MYO3B: variants seen among roughly 807,000 people sequenced by gnomAD.
The protein encoded by MYO3B is myosin IIIB.
Under a neutral mutation model 174.6 loss-of-function variants are expected in MYO3B, and 156 were observed. The ratio of observed to expected loss-of-function variants is 0.89; its 90% CI spans 0.78 to 1.02. The LOEUF (loss-of-function observed/expected upper bound fraction) is 1.02. Ranked by LOEUF, MYO3B falls within the 50% of genes least tolerant of loss-of-function variation. The pLI, the probability that MYO3B is intolerant of heterozygous loss-of-function variation, is 0.00. For missense variants in MYO3B, 1,632 were observed against 1,639.4 expected, an observed-to-expected ratio of 1.00 and a Z score of 0.08; for synonymous variants, 563 against 569.1, an observed-to-expected ratio of 0.99 and a Z score of 0.15.
intron 32 of MYO3B, among the ~76,000 whole-genome samples, chr2:170,565,149 A>G (rs1691981917): frequency 6.6e-6 from 1 of 152,204 alleles, no homozygotes; most frequent in African/African-American, 2.4e-5. Context: ...TTGCATATCA[A>G]ACAGGCGAGG....
chr2:170,304,043 CT>C (rs1278926160), intron 7 of MYO3B, among the ~76,000 whole-genome samples: 1 of 152,064 alleles, frequency 6.6e-6, no homozygotes. Context: ...CATTTTGGTT[CT>C]TTCCCTTTTT....
intron 32 of MYO3B, chr2:170,601,553 G>C: frequency 1.1e-6 from 1 of 944,738 alleles, no homozygotes; most frequent in South Asian, 1.6e-5. Flanking sequence ...GGAGTGAGTT[G>C]TGTACAGGGG....
At chr2:170,477,470 A>G (rs994485710) in intron 25 of MYO3B, among the ~76,000 whole-genome samples, 2 of 152,012 alleles carry the variant, frequency 1.3e-5, no homozygotes, top group African/African-American at 4.8e-5. Context: ...TTTTATCCCT[A>G]GCACTTCACG....
At chr2:170,274,891 C>A (rs770885577) in intron 7 of MYO3B, among the ~76,000 whole-genome samples, 22 of 152,036 alleles carry the variant, frequency 1.4e-4, no homozygotes, top group Non-Finnish European at 2.6e-4. Flanking sequence ...TCATTTTACC[C>A]AATTCTTTTT....
rs141755987 is a variant in MYO3B, at chr2:170,234,616, T to C, written c.604-1375T>C. ...TGAGTCTCACCAGGCTAAAATACTC[T>C]TCTCCATTTCGAAGTGTCCCAGGCA... On this transcript the variant is annotated intron_variant, in intron 6 of 34. Transcript: ENST00000408978. 4.1e-3 allele frequency among the ~76,000 whole-genome samples: 625 copies of C among 152,310 alleles called. 7 individuals are homozygous for C. Among genetic ancestry groups the C allele is most frequent in the African/African-American group, 0.014 (590 of 41,576 alleles).
rs147016152 is a variant in MYO3B, at chr2:170,404,400, G to T, written c.2431G>T (p.Asp811Tyr). The change falls in exon 20 of 35, where the codon GAT becomes TAT. Residue 811 changes from aspartate (D) to tyrosine (Y), a missense_variant and splice_region_variant. Physicochemically the swap from Asp to Tyr is radical, Grantham distance 160 (BLOSUM62 -3). Transcript: ENST00000408978. ...CCAAGCAACTGACCAGACCCTGGTT[G>T]GTAGGTAACTTCTGAGAAACAGGCA... ...FPQATDQTLV[D>Y]KFEDNLRCKY... 7.5e-6 allele frequency: 12 copies of T among 1,605,624 alleles called. No individual in the cohort carries two copies. The East Asian group carries it at 2.7e-4, about 36-fold the overall frequency.
At chr2:170,243,582 T>C (rs10930410) in intron 7 of MYO3B, among the ~76,000 whole-genome samples, 84,083 of 151,966 alleles carry the variant, frequency 0.55, 23,548 homozygotes, top group East Asian at 0.72. Flanking sequence ...ATTTGAGTAA[T>C]GTCGACCTCA....
chr2:170,299,389 C>T (rs2093650287), intron 7 of MYO3B, among the ~76,000 whole-genome samples: 1 of 152,150 alleles, frequency 6.6e-6, no homozygotes, highest in Non-Finnish European at 1.5e-5. Context: ...TGTCTGATAT[C>T]ACAGTCACCT....
At chr2:170,277,217 G>T (rs770693407) in intron 7 of MYO3B, among the ~76,000 whole-genome samples, 1 of 152,164 alleles carries the variant, frequency 6.6e-6, no homozygotes, top group Non-Finnish European at 1.5e-5. Context: ...CAGTAGGTTT[G>T]GGGGCTCACA....
intron 1 of MYO3B, among the ~76,000 whole-genome samples, chr2:170,188,257 G>A (rs2092492128): frequency 6.6e-6 from 1 of 152,060 alleles, no homozygotes; most frequent in Non-Finnish European, 1.5e-5. Context: ...TTTGTCTAAT[G>A]TAAGTATAGC....
chr2:170,648,810 A>G (rs1353979364), intron 32 of MYO3B, among the ~76,000 whole-genome samples: 1 of 115,310 alleles, frequency 8.7e-6, no homozygotes, highest in African/African-American at 3.5e-5. Flanking sequence ...TACATATTAT[A>G]TATTATATAG....
At chr2:170,258,156 G>A (rs1366892607) in intron 7 of MYO3B, among the ~76,000 whole-genome samples, 2 of 152,084 alleles carry the variant, frequency 1.3e-5, no homozygotes, top group Middle Eastern at 3.2e-3. Context: ...CAAAGAGCTG[G>A]TACCAATCCT....
intron 7 of MYO3B, among the ~76,000 whole-genome samples, chr2:170,303,091 A>G (rs1412825013): frequency 6.6e-6 from 1 of 152,202 alleles, no homozygotes; most frequent in African/African-American, 2.4e-5. Flanking sequence ...GAGCTACAAC[A>G]AAACTACTTC....
intron 32 of MYO3B, among the ~76,000 whole-genome samples, chr2:170,551,718 T>G (rs1035449863): frequency 5.3e-5 from 8 of 152,140 alleles, no homozygotes; most frequent in Non-Finnish European, 1.0e-4. Flanking sequence ...ATATACTTTT[T>G]CTGTTTTGCT....
intron 32 of MYO3B, among the ~76,000 whole-genome samples, chr2:170,568,928 A>G (rs1692243826): frequency 1.3e-5 from 2 of 152,136 alleles, no homozygotes; most frequent in Non-Finnish European, 2.9e-5. Context: ...GTCTACAAAA[A>G]ATGAACTTGG....
intron 32 of MYO3B, among the ~76,000 whole-genome samples, chr2:170,603,739 CAT>C (rs1212216846): frequency 6.6e-6 from 1 of 152,118 alleles, no homozygotes; most frequent in Non-Finnish European, 1.5e-5. Context: ...CTTAGGAAAA[CAT>C]AAATATTCAT....
intron 7 of MYO3B, among the ~76,000 whole-genome samples, chr2:170,303,474 T>G (rs185874362): frequency 8.5e-5 from 13 of 152,304 alleles, no homozygotes; most frequent in Admixed American, 3.9e-4. Context: ...TATTTATAAT[T>G]TTTCTTAACT....
At chr2:170,194,281 G>A (rs1035627204) in intron 1 of MYO3B, among the ~76,000 whole-genome samples, 3 of 152,066 alleles carry the variant, frequency 2.0e-5, no homozygotes, top group Non-Finnish European at 4.4e-5. Context: ...AGGGTGGGAG[G>A]ATCACTTGAG....
chr2:170,547,542 TC>T (rs1271905657), intron 32 of MYO3B, among the ~76,000 whole-genome samples: 1 of 152,202 alleles, frequency 6.6e-6, no homozygotes, highest in East Asian at 1.9e-4. Context: ...AGGCATTTGT[TC>T]TTCTACTTAT....
Sources: gnomAD v4.1 joint callset for allele counts (sites outside exome capture counted in the v4.1 genomes callset) on GRCh38, gnomAD v4.1.1 for gene constraint, MANE v1.5 for transcripts, NCBI Gene and HGNC (gene_info 2026-07-23, HGNC 2026-07-21) for gene names.